CDH7: variants seen among roughly 807,000 people sequenced by gnomAD.
CDH7 encodes cadherin-7.
A neutral mutation model predicts 71.8 loss-of-function variants in CDH7; 25 were observed. The observed-to-expected ratio is 0.35, with a 90% CI of 0.25 to 0.49. The LOEUF is 0.49. Ranked by LOEUF, CDH7 falls within the 20% of genes least tolerant of loss-of-function variation. The pLI is 0.99. For missense variants in CDH7, 862 were observed against 974.6 expected, an observed-to-expected ratio of 0.88 and a Z score of 1.54; for synonymous variants, 381 against 363.8, an observed-to-expected ratio of 1.05 and a Z score of -0.54.
intron 4 of CDH7, among the ~76,000 whole-genome samples, chr18:65,818,441 C>T (rs187230540): frequency 4.1e-4 from 63 of 152,162 alleles, no homozygotes; most frequent in Admixed American, 1.3e-3. Context: ...GTACTTCTCA[C>T]CTATAACATA....
At chr18:65,838,908 T>C (rs952016426) in intron 6 of CDH7, among the ~76,000 whole-genome samples, 1 of 152,230 alleles carries the variant, frequency 6.6e-6, no homozygotes, top group African/African-American at 2.4e-5. Context: ...TTCCATTTGC[T>C]TATAATCTAG....
chr18:65,886,806 T>G lies in CDH7; in HGVS notation c.*5912T>G, dbSNP rs1304902539. 6.6e-6 allele frequency: 1 copy of G among 152,206 alleles called. No homozygotes were observed. Among genetic ancestry groups the G allele is most frequent in the Non-Finnish European group, 1.5e-5 (1 of 68,012 alleles). 9.4% of individuals were successfully genotyped at this position (152,206 alleles called of 1,614,324 possible). On this transcript the variant is annotated 3_prime_UTR_variant, in exon 12 of 12. Coordinates refer to ENST00000397968, the MANE Select transcript of CDH7 (RefSeq NM_004361.5). ...AACCATCCTGAATGCAATGCACTCT[T>G]GATGACTCAAACTCACTTATATCTT...
chr18:65,768,302 C>A (rs1196533125), intron 2 of CDH7, among the ~76,000 whole-genome samples: 1 of 151,630 alleles, frequency 6.6e-6, no homozygotes, highest in African/African-American at 2.4e-5. Context: ...GTGACGCAAT[C>A]TCAGCTCACT....
chr18:65,789,438 A>G (rs1446048141), intron 2 of CDH7, among the ~76,000 whole-genome samples: 1 of 152,056 alleles, frequency 6.6e-6, no homozygotes, highest in East Asian at 1.9e-4. Context: ...AGCCAGCCAC[A>G]TCATGAAAGT....
At chr18:65,754,512 C>T (rs1915978904) in intron 1 of CDH7, among the ~76,000 whole-genome samples, 1 of 152,178 alleles carries the variant, frequency 6.6e-6, no homozygotes, top group African/African-American at 2.4e-5. Context: ...AGAGCTCTTT[C>T]ATCAGAATTA....
chr18:65,845,112 T>A (rs1293230940), intron 7 of CDH7, among the ~76,000 whole-genome samples: 1 of 150,102 alleles, frequency 6.7e-6, no homozygotes, highest in East Asian at 1.9e-4. Context: ...ATGTTGTTTC[T>A]TTCTAAAGTA....
chr18:65,794,759 G>A (rs989477125), intron 2 of CDH7, among the ~76,000 whole-genome samples: 3 of 152,072 alleles, frequency 2.0e-5, no homozygotes, highest in African/African-American at 7.2e-5. Context: ...GCGGTGTGGG[G>A]GGTGAGAATA....
chr18:65,846,446 T>C (rs2143998525), intron 7 of CDH7, among the ~76,000 whole-genome samples: 1 of 152,180 alleles, frequency 6.6e-6, no homozygotes, highest in East Asian at 1.9e-4. Context: ...AATTAAAATT[T>C]TATTTTGTAT....
intron 2 of CDH7, among the ~76,000 whole-genome samples, chr18:65,806,658 ATGTGTGTG>A (rs60116919): frequency 1.9e-4 from 29 of 150,630 alleles, no homozygotes; most frequent in Non-Finnish European, 1.0e-4. Context: ...GTGTCCATGC[ATGTGTGTG>A]TGTGTGTGTG....
At chr18:65,778,041 G>A (rs550260802) in intron 2 of CDH7, among the ~76,000 whole-genome samples, 1 of 152,236 alleles carries the variant, frequency 6.6e-6, no homozygotes, top group East Asian at 1.9e-4. Context: ...GGAAAGCCGA[G>A]GCGGGTGGAT....
In CDH7 at chr18:65,804,372, A is replaced by C. The variant is rs138682064; in HGVS notation, c.211-5332A>C. Among the ~76,000 whole-genome samples the C allele has an allele frequency of 8.4e-3, 1,280 of 152,292 alleles. 14 individuals carry two copies. The highest frequency in any genetic ancestry group is 0.029 in the African/African-American group (1,205 of 41,568). On this transcript the variant is annotated intron_variant, in intron 2 of 11. Coordinates refer to ENST00000397968, the MANE Select transcript of CDH7 (RefSeq NM_004361.5). ...TCATCAGTAAGATCAAATAACAAGC[A>C]GAGTTTAAGAAGTACTAGAGGAAAG...
intron 4 of CDH7, among the ~76,000 whole-genome samples, chr18:65,821,397 A>T (rs1032580405): frequency 6.6e-6 from 1 of 152,092 alleles, no homozygotes; most frequent in Non-Finnish European, 1.5e-5. Context: ...AAGATCAATT[A>T]TAAAATATGT....
rs1466611619 is a variant in CDH7 at position 65,782,162 on chromosome 18, C to CT, written c.210+19112dup. Among the ~76,000 whole-genome samples, 189 of 106,416 alleles carry CT rather than the reference C, an allele frequency of 1.8e-3. 11 individuals carry two copies. Among genetic ancestry groups the CT allele is most frequent in the Middle Eastern group, 4.5e-3 (1 of 220 alleles). 69.8% of individuals were successfully genotyped at this position (106,416 alleles called of 152,430 possible). ...TCTTTCTTTCTTTCTTTCTTTCTTT[C>CT]TTCCTTTCTTTCTTTCTTTCTTTCT... On this transcript the variant is annotated intron_variant, in intron 2 of 11. Transcript: ENST00000397968.
chr18:65,806,463 A>G (rs1341047794), intron 2 of CDH7, among the ~76,000 whole-genome samples: 2 of 152,134 alleles, frequency 1.3e-5, no homozygotes, highest in African/African-American at 2.4e-5. Context: ...TGTGAGTACA[A>G]TAGACCTAGG....
rs1217588180 is a variant in CDH7 at position 65,813,928 on chromosome 18, G to A, written c.506-557G>A. On this transcript the variant is annotated intron_variant, in intron 3 of 11. Coordinates refer to ENST00000397968, the MANE Select transcript of CDH7 (RefSeq NM_004361.5). ...TTCCTGTTTTGTTTTTAGATCAATT[G>A]GCAGAGAAAATTAAAAACAAAATCC... Among the ~76,000 whole-genome samples, 2 of 151,960 alleles carry A rather than the reference G, an allele frequency of 1.3e-5. 1 individual carries two copies. Among genetic ancestry groups the A allele is most frequent in the South Asian group, 4.1e-4 (2 of 4,820 alleles).
intron 2 of CDH7, among the ~76,000 whole-genome samples, chr18:65,773,744 G>A (rs1036974430): frequency 1.3e-5 from 2 of 151,996 alleles, no homozygotes; most frequent in Non-Finnish European, 2.9e-5. Flanking sequence ...ATGAGGAAAG[G>A]GATTGTGTCC....
chr18:65,836,684 A>AAATAATAAT (rs71167155), intron 6 of CDH7, among the ~76,000 whole-genome samples: 1 of 150,166 alleles, frequency 6.7e-6, no homozygotes, highest in Non-Finnish European at 1.5e-5. Context: ...AGTATAATTA[A>AAATAATAAT]AATAATAATA....
chr18:65,843,699 T>G, intron 6 of CDH7, 113 bp from the exon 7 acceptor site: 1 of 877,726 alleles, frequency 1.1e-6, no homozygotes, highest in East Asian at 2.8e-5. Flanking sequence ...ATGCTGATGG[T>G]GCATTTACAT....
intron 2 of CDH7, among the ~76,000 whole-genome samples, chr18:65,782,028 C>CCCTTCCTTCCTT (rs200389546): frequency 3.0e-5 from 1 of 33,596 alleles, no homozygotes; most frequent in Non-Finnish European, 4.7e-5. Context: ...CTCTCTTTCT[C>CCCTTCCTTCCTT]CCTTCCTTCC....
Sources: allele counts gnomAD v4.1 joint callset (sites outside exome capture counted in the v4.1 genomes callset), GRCh38; gene constraint gnomAD v4.1.1; transcripts MANE v1.5; gene names NCBI Gene and HGNC (gene_info 2026-07-23, HGNC 2026-07-21).